The following SLC31A1 variants were observed in gnomAD, a reference collection of about 807,000 sequenced individuals.
SLC31A1 encodes the protein solute carrier family 31 member 1.
A neutral mutation model predicts 17.2 loss-of-function variants in SLC31A1; 5 were observed. The observed-to-expected ratio is 0.29, with a 90% confidence interval of 0.15 to 0.61. The LOEUF (loss-of-function observed/expected upper bound fraction) is 0.61, where lower values mean the gene tolerates loss of function less well. SLC31A1 is among the 20% of genes least tolerant of loss of function. The probability of loss-of-function intolerance (pLI) is 0.86; values close to 1 mark genes in which losing one functional copy is unlikely to be tolerated. For synonymous variants in SLC31A1, 76 were observed against 78.8 expected (o/e 0.96, Z 0.19); for missense variants, 161 against 241.4 (o/e 0.67, Z 2.21).
chr9:113,225,124 T>C (rs1364529278), intron 1 of SLC31A1, among the ~76,000 whole-genome samples: 1 of 152,232 alleles, frequency 6.6e-6, no homozygotes, highest in Non-Finnish European at 1.5e-5. Flanking sequence ...ATAAACACAC[T>C]GTCACCATTG....
In SLC31A1 at chr9:113,256,232, A is replaced by C; in HGVS notation, c.84A>C (p.Ser28=). Reference sequence around the variant, plus strand: ...CTTCTCACCATCACCCAACCACTTCAGCCTCACACTCCCATGGTGGAGGAG... The same window carrying C: ...CTTCTCACCATCACCCAACCACTTCCGCCTCACACTCCCATGGTGGAGGAG... ...MQPSHHHPTT[S]ASHSHGGGDS... The change falls in exon 2 of 5, where the codon TCA becomes TCC. Residue 28 remains serine (S), a synonymous_variant. Transcript: ENST00000374212. 1 of 1,613,886 alleles carries C rather than the reference A, an allele frequency of 6.2e-7. No individual in the cohort carries two copies. The highest frequency in any genetic ancestry group is 8.5e-7 in the Non-Finnish European group (1 of 1,180,014).
chr9:113,230,803 C>T (rs1831393955), intron 1 of SLC31A1, among the ~76,000 whole-genome samples: 1 of 152,130 alleles, frequency 6.6e-6, no homozygotes, highest in African/African-American at 2.4e-5. Context: ...GACCATAAAG[C>T]AGATCAGAAT....
intron 1 of SLC31A1, among the ~76,000 whole-genome samples, chr9:113,244,034 A>G (rs945532313): frequency 6.6e-6 from 1 of 151,942 alleles, no homozygotes; most frequent in Non-Finnish European, 1.5e-5. Context: ...GGGCACCTGT[A>G]ATCCCAGCTA....
At chr9:113,251,798 T>C (rs1034114449) in intron 1 of SLC31A1, among the ~76,000 whole-genome samples, 2 of 152,226 alleles carry the variant, frequency 1.3e-5, no homozygotes, top group African/African-American at 2.4e-5. Flanking sequence ...CCGTGGGATC[T>C]TTTCCTAAAA....
At chr9:113,224,655 C>T (rs568240043) in intron 1 of SLC31A1, among the ~76,000 whole-genome samples, 4 of 152,192 alleles carry the variant, frequency 2.6e-5, no homozygotes, top group African/African-American at 9.6e-5. Context: ...CTGGAACTCC[C>T]GACCTCAGGT....
chr9:113,231,774 G>C (rs762133043), intron 1 of SLC31A1, among the ~76,000 whole-genome samples: 11 of 152,178 alleles, frequency 7.2e-5, no homozygotes, highest in Non-Finnish European at 1.5e-4. Context: ...TGGACATTTA[G>C]AAGATAGAGT....
chr9:113,258,378 T>G lies in SLC31A1; in HGVS notation c.203-316T>G, dbSNP rs2119017854. Among the ~76,000 whole-genome samples the G allele has an allele frequency of 6.6e-6, 1 of 152,348 alleles. No homozygotes were observed. The highest frequency in any genetic ancestry group is 1.9e-4 in the East Asian group (1 of 5,190). Reference sequence around the variant, plus strand: ...GAAACTAAATTGTTTTATTCCCTGTTCCATATTCTACATTGTGTGTTTCAG... The same window carrying G: ...GAAACTAAATTGTTTTATTCCCTGTGCCATATTCTACATTGTGTGTTTCAG... On this transcript the variant is annotated intron_variant, in intron 3 of 4. Coordinates refer to ENST00000374212, the MANE Select transcript of SLC31A1 (RefSeq NM_001859.4). The surrounding 1 kb of genome is among the most constrained non-coding windows in gnomAD (Gnocchi z 4.8).
chr9:113,259,904 G>C (rs1200188648), intron 4 of SLC31A1, among the ~76,000 whole-genome samples: 1 of 152,124 alleles, frequency 6.6e-6, no homozygotes, highest in Non-Finnish European at 1.5e-5. Flanking sequence ...TGTTTTTGTA[G>C]AATGTAAACT....
At chr9:113,259,583 C>CTTTT (rs34039262) in intron 4 of SLC31A1, among the ~76,000 whole-genome samples, 1 of 124,440 alleles carries the variant, frequency 8.0e-6, no homozygotes, top group African/African-American at 3.1e-5. Context: ...TTTTTTCTTT[C>CTTTT]TTTTTTTTTT....
At position 113,262,335 on chromosome 9, in the gene SLC31A1, TGTA is replaced by T. The variant is rs1254692601; in HGVS notation, c.*1865_*1867del. ...ACATTGGATTTGTATTCTGTTCAGT[TGTA>T]GTCTACACTGCAGTCTTATTCCTGG... On this transcript the variant is annotated 3_prime_UTR_variant, in exon 5 of 5. Coordinates refer to ENST00000374212, the MANE Select transcript of SLC31A1 (RefSeq NM_001859.4). 2.6e-5 allele frequency: 4 copies of T among 152,684 alleles called. No individual in the cohort carries two copies. The highest frequency in any genetic ancestry group is 9.6e-5 in the African/African-American group (4 of 41,464). The allele number at this position is 152,684 out of a possible 1,614,324, so 9.5% of individuals were successfully genotyped here.
In SLC31A1 at chr9:113,261,095, C is replaced by G. The variant is rs1397760387; in HGVS notation, c.*622C>G. Reference sequence around the variant, plus strand: ...TGGCCAACATGGGGAAACCCCGTCTCTACTAAAAATACAAAAATTAGCCGG... The same window carrying G: ...TGGCCAACATGGGGAAACCCCGTCTGTACTAAAAATACAAAAATTAGCCGG... On this transcript the variant is annotated 3_prime_UTR_variant, in exon 5 of 5. Coordinates refer to ENST00000374212, the MANE Select transcript of SLC31A1 (RefSeq NM_001859.4). 6.3e-6 allele frequency: 1 copy of G among 158,202 alleles called. No homozygotes were observed. The highest frequency in any genetic ancestry group is 1.4e-5 in the Non-Finnish European group (1 of 71,468). 9.8% of individuals were successfully genotyped at this position (158,202 alleles called of 1,614,324 possible). A position where few individuals can be genotyped will look rare whatever the true frequency, so the allele number is the denominator to read the frequency against.
intron 1 of SLC31A1, among the ~76,000 whole-genome samples, chr9:113,224,616 C>T (rs1268689889): frequency 2.0e-5 from 3 of 152,078 alleles, no homozygotes; most frequent in African/African-American, 7.2e-5. Context: ...TTAGTAGAGA[C>T]GGGGTTTCTC....
At chr9:113,255,376 C>T (rs957964510) in intron 1 of SLC31A1, among the ~76,000 whole-genome samples, 2 of 152,170 alleles carry the variant, frequency 1.3e-5, no homozygotes, top group African/African-American at 2.4e-5. Flanking sequence ...TTTCCTTCTC[C>T]TTATCTAATA....
At chr9:113,246,631 G>A (rs764354122) in intron 1 of SLC31A1, among the ~76,000 whole-genome samples, 4 of 152,064 alleles carry the variant, frequency 2.6e-5, no homozygotes, top group Non-Finnish European at 4.4e-5. Flanking sequence ...GATTATAGGC[G>A]TGAGCCACTG....
At chr9:113,236,583 C>T (rs536142423) in intron 1 of SLC31A1, among the ~76,000 whole-genome samples, 1 of 151,088 alleles carries the variant, frequency 6.6e-6, no homozygotes, top group African/African-American at 2.4e-5. Context: ...AGGATGGTTT[C>T]AATCTCCTGA....
At chr9:113,256,478 T>G in intron 2 of SLC31A1, 1 of 523,414 alleles carries the variant, frequency 1.9e-6, no homozygotes, top group Non-Finnish European at 3.3e-6. Flanking sequence ...AACCAAGATT[T>G]TAGGCTTCTT....
chr9:113,259,260 G>C (rs767952767), intron 4 of SLC31A1, among the ~76,000 whole-genome samples: 12 of 152,166 alleles, frequency 7.9e-5, no homozygotes, highest in Non-Finnish European at 1.3e-4. Flanking sequence ...ATGTAAGACT[G>C]TATTGATTTC....
intron 3 of SLC31A1, 124 bp downstream of exon 3, chr9:113,257,309 C>T (rs1831739066): frequency 2.3e-6 from 2 of 861,226 alleles, no homozygotes; most frequent in African/African-American, 3.3e-5. Flanking sequence ...GATGCATAAC[C>T]ATCTTGGTTC....
intron 1 of SLC31A1, among the ~76,000 whole-genome samples, chr9:113,245,040 G>C (rs1764649451): frequency 6.6e-6 from 1 of 152,064 alleles, no homozygotes; most frequent in African/African-American, 2.4e-5. Flanking sequence ...GTTTTTGCCA[G>C]TTCTGGCCGA....
Sources: allele counts gnomAD v4.1 joint callset (sites outside exome capture counted in the v4.1 genomes callset), GRCh38; gene constraint gnomAD v4.1.1; non-coding constraint Gnocchi (gnomAD v3.1); transcripts MANE v1.5; gene names NCBI Gene and HGNC (gene_info 2026-07-23, HGNC 2026-07-21).